Variants in E2F3 observed in about 807,000 individuals in gnomAD.
E2F3 encodes the protein E2F transcription factor 3, also known as transcription factor E2F3.
E2F3 carries 11 observed loss-of-function variants against 44.4 expected under a neutral mutation model. The observed-to-expected ratio is 0.25, with a 90% confidence interval of 0.16 to 0.41. The LOEUF is 0.41. Among genes scored for constraint, E2F3 ranks in the 10% least tolerant of loss-of-function variants. The pLI, the probability that E2F3 is intolerant of heterozygous loss-of-function variation, is 1.00. For missense variants in E2F3, 487 were observed against 583.6 expected, an observed-to-expected ratio of 0.83 and a Z score of 1.70; for synonymous variants, 249 against 253.0, an observed-to-expected ratio of 0.98 and a Z score of 0.15.
chr6:20,434,645 C>T (rs748101758), intron 1 of E2F3, among the ~76,000 whole-genome samples: 4 of 152,102 alleles, frequency 2.6e-5, no homozygotes, highest in Non-Finnish European at 5.9e-5. Context: ...CTTCAGGTGC[C>T]TTATTAAGTT....
chr6:20,420,586 T>C lies in E2F3; in HGVS notation c.393+17961T>C, dbSNP rs368151372. On this transcript the variant is annotated intron_variant, in intron 1 of 6. Transcript: ENST00000346618. ...TTGGTTTCCCAGTGCATATAAAGTT[T>C]ACACTGTACTGTAGTCTATTCAGTG... Among the ~76,000 whole-genome samples, 7 of 152,198 alleles carry C rather than the reference T, an allele frequency of 4.6e-5. No individual in the cohort carries two copies. In the East Asian group the frequency reaches 9.6e-4, roughly 21 times the overall value.
chr6:20,459,002 G>C (rs981012553), intron 1 of E2F3, among the ~76,000 whole-genome samples: 1 of 151,792 alleles, frequency 6.6e-6, no homozygotes. Flanking sequence ...GGTGGCTCAC[G>C]CCTGTAATCC....
At chr6:20,464,643 C>T (rs928038283) in intron 1 of E2F3, among the ~76,000 whole-genome samples, 2 of 152,172 alleles carry the variant, frequency 1.3e-5, no homozygotes, top group East Asian at 1.9e-4. Flanking sequence ...CCATTTAGCA[C>T]GTCCAATTAA....
chr6:20,481,131 T>G (rs1469036191), intron 2 of E2F3, 75 bp from the exon 3 acceptor site: 9 of 1,385,266 alleles, frequency 6.5e-6, no homozygotes, highest in Non-Finnish European at 9.0e-6. Flanking sequence ...AGAGCTTGCT[T>G]GACTGCAAAG....
chr6:20,423,454 A>G (rs565833529), intron 1 of E2F3, among the ~76,000 whole-genome samples: 1 of 152,338 alleles, frequency 6.6e-6, no homozygotes, highest in South Asian at 2.1e-4. Flanking sequence ...TGTTTGGCAG[A>G]TGACTACATG....
chr6:20,468,064 A>G (rs1468181206), intron 1 of E2F3, among the ~76,000 whole-genome samples: 6 of 152,078 alleles, frequency 3.9e-5, no homozygotes, highest in Admixed American at 3.9e-4. Context: ...TTCTCCCACT[A>G]TTTTCGCATA....
intron 1 of E2F3, chr6:20,444,969 C>A: frequency 1.7e-6 from 1 of 581,234 alleles, no homozygotes. Context: ...AGGCCTTGCA[C>A]TGTCCCTGTC....
rs534399735 is a variant in E2F3, at chr6:20,460,075, A to G, written c.394-19771A>G. 4.6e-5 allele frequency among the ~76,000 whole-genome samples: 7 copies of G among 152,262 alleles called. No homozygotes were observed. The South Asian group carries it at 1.2e-3, about 27-fold the overall frequency. On this transcript the variant is annotated intron_variant, in intron 1 of 6. Coordinates refer to ENST00000346618, the MANE Select transcript of E2F3 (RefSeq NM_001949.5). ...CATCCGCTCATTCATTCTTTCACTAAATGTTATTCTTTGTCAGTGTTCATA... is the reference window on the plus strand; with the variant it reads ...CATCCGCTCATTCATTCTTTCACTAGATGTTATTCTTTGTCAGTGTTCATA...
rs940803565 is a variant in E2F3 at position 20,406,588 on chromosome 6, G to A, written c.393+3963G>A. ...ATATATAAAACATGGCCATCCTAGG[G>A]GTAAAATAGGGACATTTCAGTAAGA... On this transcript the variant is annotated intron_variant, in intron 1 of 6. Coordinates refer to ENST00000346618, the MANE Select transcript of E2F3 (RefSeq NM_001949.5). 2.6e-4 allele frequency among the ~76,000 whole-genome samples: 40 copies of A among 152,066 alleles called. 1 individual carries two copies. The highest frequency in any genetic ancestry group is 2.4e-3 in the Admixed American group (37 of 15,272).
At chr6:20,469,335 T>A (rs1761814957) in intron 1 of E2F3, among the ~76,000 whole-genome samples, 1 of 152,190 alleles carries the variant, frequency 6.6e-6, no homozygotes, top group Non-Finnish European at 1.5e-5. Flanking sequence ...CTAAAATGGC[T>A]AAACCAGAAA....
At chr6:20,441,084 A>G (rs1760756763) in intron 1 of E2F3, among the ~76,000 whole-genome samples, 1 of 152,208 alleles carries the variant, frequency 6.6e-6, no homozygotes, top group African/African-American at 2.4e-5. Context: ...TACATTTACA[A>G]TGTTATGCAA....
At position 20,492,650 on chromosome 6, in the gene E2F3, G is replaced by C. The variant is rs1399428903; in HGVS notation, c.*2220G>C. On this transcript the variant is annotated 3_prime_UTR_variant, in exon 7 of 7. Coordinates refer to ENST00000346618, the MANE Select transcript of E2F3 (RefSeq NM_001949.5). The stretch of plus-strand genomic sequence containing the variant: ...AGCTCACCTGGCTAGATTGTTGTGT[G>C]TTTTGTTGAATTTTTTCATAATGTA... 4 of 231,894 alleles carry C rather than the reference G, an allele frequency of 1.7e-5. No individual in the cohort carries two copies. The highest frequency in any genetic ancestry group is 3.4e-5 in the Non-Finnish European group (4 of 117,010). 14.4% of individuals were successfully genotyped at this position (231,894 alleles called of 1,614,324 possible). A position where few individuals can be genotyped will look rare whatever the true frequency, so the allele number is the denominator to read the frequency against.
rs889390319 is a variant in E2F3 at position 20,428,880 on chromosome 6, T to C, written c.393+26255T>C. 2.6e-5 allele frequency among the ~76,000 whole-genome samples: 4 copies of C among 152,180 alleles called. No individual in the cohort carries two copies. The East Asian group carries it at 7.7e-4, about 29-fold the overall frequency. The stretch of plus-strand genomic sequence containing the variant: ...ATTCTAAGCTGCCCTACAATGATAT[T>C]TTTAGAAATTTCTGGGAACTCAAGA... On this transcript the variant is annotated intron_variant, in intron 1 of 6. Coordinates refer to ENST00000346618, the MANE Select transcript of E2F3 (RefSeq NM_001949.5).
chr6:20,457,018 A>T (rs1213015561), intron 1 of E2F3, among the ~76,000 whole-genome samples: 1 of 152,136 alleles, frequency 6.6e-6, no homozygotes, highest in Non-Finnish European at 1.5e-5. Context: ...GCAGGAGGAG[A>T]GTCAGTGGGA....
chr6:20,480,130 A>G (rs1415977103), intron 2 of E2F3, 173 bp downstream of exon 2: 2 of 925,210 alleles, frequency 2.2e-6, no homozygotes, highest in African/African-American at 1.8e-5. Flanking sequence ...ACAACCAGTG[A>G]AAGGCTACAG....
intron 1 of E2F3, among the ~76,000 whole-genome samples, chr6:20,471,297 T>C (rs1761879995): frequency 6.6e-6 from 1 of 152,208 alleles, no homozygotes. Flanking sequence ...ATGTTGCACA[T>C]ATAGGCCGGG....
At chr6:20,481,130 T>G in intron 2 of E2F3, 76 bp from the exon 3 acceptor site, 2 of 1,380,060 alleles carry the variant, frequency 1.4e-6, no homozygotes, top group Non-Finnish European at 2.0e-6. Context: ...GAGAGCTTGC[T>G]TGACTGCAAA....
At chr6:20,448,130 G>A (rs572629196) in intron 1 of E2F3, among the ~76,000 whole-genome samples, 3 of 152,310 alleles carry the variant, frequency 2.0e-5, no homozygotes, top group African/African-American at 7.2e-5. Flanking sequence ...CAGATGACAG[G>A]TAGTAATTTC....
chr6:20,439,799 G>A lies in E2F3; in HGVS notation c.393+37174G>A, dbSNP rs970233153. 4.6e-5 allele frequency among the ~76,000 whole-genome samples: 7 copies of A among 152,128 alleles called. No homozygotes were observed. In the South Asian group the frequency reaches 8.3e-4, roughly 18 times the overall value. ...TGCCTCGGCCTCCCAGAACATTGGG[G>A]TTACAAGCATGAGCCACTGTACCTG... is the stretch of plus-strand genomic sequence containing the variant. On this transcript the variant is annotated intron_variant, in intron 1 of 6. Coordinates refer to ENST00000346618, the MANE Select transcript of E2F3 (RefSeq NM_001949.5).
Sources: allele counts gnomAD v4.1 joint callset (sites outside exome capture counted in the v4.1 genomes callset), GRCh38; gene constraint gnomAD v4.1.1; transcripts MANE v1.5; gene names NCBI Gene and HGNC (gene_info 2026-07-23, HGNC 2026-07-21).